Variants in MEI4 observed in about 807,000 individuals in gnomAD.
MEI4 encodes the protein meiosis-specific protein MEI4.
MEI4 carries 27 observed loss-of-function variants against 31.4 expected under a neutral mutation model. The ratio of observed to expected loss-of-function variants is 0.86; its 90% CI spans 0.63 to 1.19. The LOEUF (loss-of-function observed/expected upper bound fraction) is 1.19, where lower values mean the gene tolerates loss of function less well. MEI4 is among the 50% of genes most tolerant of loss of function. MEI4 has a pLI of 0.00. For synonymous variants in MEI4, 122 were observed against 145.4 expected (o/e 0.84, Z 1.16); for missense variants, 329 against 398.9 (o/e 0.82, Z 1.49).
chr6:77,699,472 G>T (rs569364405), intron 2 of MEI4, among the ~76,000 whole-genome samples: 3 of 152,108 alleles, frequency 2.0e-5, no homozygotes, highest in African/African-American at 7.2e-5. Flanking sequence ...GATTACAGGC[G>T]TGAGCCACCG....
At chr6:77,843,836 A>G (rs1770418026) in intron 4 of MEI4, among the ~76,000 whole-genome samples, 1 of 152,126 alleles carries the variant, frequency 6.6e-6, no homozygotes, top group Admixed American at 6.6e-5. Flanking sequence ...TGATCATGAC[A>G]TAATCATAGA....
At chr6:77,748,730 G>C (rs1023865950) in intron 2 of MEI4, among the ~76,000 whole-genome samples, 1 of 152,182 alleles carries the variant, frequency 6.6e-6, no homozygotes, top group Non-Finnish European at 1.5e-5. Context: ...ACATGGTCAG[G>C]CTGCAAATTT....
chr6:77,919,798 A>C (rs1307584259), intron 4 of MEI4, among the ~76,000 whole-genome samples: 1 of 149,144 alleles, frequency 6.7e-6, no homozygotes, highest in African/African-American at 2.4e-5. Flanking sequence ...TAGACGCAAT[A>C]AAAAATGATA....
At chr6:77,791,422 AT>A (rs1417378082) in intron 3 of MEI4, among the ~76,000 whole-genome samples, 103 of 150,830 alleles carry the variant, frequency 6.8e-4, no homozygotes, top group African/African-American at 2.4e-3. Flanking sequence ...TCAGTAAACT[AT>A]CGCAAGAACA....
intron 3 of MEI4, among the ~76,000 whole-genome samples, chr6:77,774,369 G>A (rs115509827): frequency 0.01 from 1,572 of 152,226 alleles, 28 homozygotes; most frequent in African/African-American, 0.035. Flanking sequence ...CAACGACATT[G>A]ATGGAACTGG....
At chr6:77,809,714 T>C (rs1769528027) in intron 3 of MEI4, among the ~76,000 whole-genome samples, 3 of 152,144 alleles carry the variant, frequency 2.0e-5, no homozygotes, top group Admixed American at 2.0e-4. Flanking sequence ...TTCTATCAAG[T>C]CAAACTAACC....
At chr6:77,657,862 C>T (rs1581994751) in intron 1 of MEI4, among the ~76,000 whole-genome samples, 3 of 152,376 alleles carry the variant, frequency 2.0e-5, no homozygotes, top group East Asian at 1.9e-4. Context: ...CATCTTCAAA[C>T]ATTCCAGGTA....
chr6:77,885,947 T>G (rs1771608923), intron 4 of MEI4, among the ~76,000 whole-genome samples: 1 of 152,314 alleles, frequency 6.6e-6, no homozygotes, highest in African/African-American at 2.4e-5. Context: ...TCTGTTGATA[T>G]AATGTATCTT....
chr6:77,665,259 C>T (rs898034781), intron 1 of MEI4, among the ~76,000 whole-genome samples: 34 of 150,662 alleles, frequency 2.3e-4, no homozygotes, highest in African/African-American at 4.7e-4. Flanking sequence ...GGTAGGGGTG[C>T]GGAAATAAGG....
chr6:77,887,889 T>C (rs1207322677), intron 4 of MEI4, among the ~76,000 whole-genome samples: 2 of 152,226 alleles, frequency 1.3e-5, no homozygotes, highest in Admixed American at 6.5e-5. Context: ...TGTTATTGCA[T>C]TGGAGTCTGT....
intron 4 of MEI4, among the ~76,000 whole-genome samples, chr6:77,894,189 AAAT>A (rs1411699159): frequency 6.6e-6 from 1 of 152,280 alleles, no homozygotes; most frequent in South Asian, 2.1e-4. Context: ...TTGAAATATT[AAAT>A]AATATCATAT....
In MEI4 at chr6:77,859,241, C is replaced by T. The variant is rs566595625; in HGVS notation, c.900+30179C>T. Among the ~76,000 whole-genome samples the T allele has an allele frequency of 5.1e-4, 77 of 152,186 alleles. 3 individuals are homozygous for T. In the South Asian group the frequency reaches 0.016, roughly 31 times the overall value. On this transcript the variant is annotated intron_variant, in intron 4 of 4. Coordinates refer to ENST00000684080, the MANE Select transcript of MEI4 (RefSeq NM_001322247.2). ...CATAGTATTCCATACTGTATATGTA[C>T]CACATTTTGTTTACCCAGTCTATCA...
chr6:77,698,359 G>A (rs1001018063), intron 2 of MEI4, among the ~76,000 whole-genome samples: 1 of 152,174 alleles, frequency 6.6e-6, no homozygotes, highest in East Asian at 1.9e-4. Context: ...TTTCTTCCTA[G>A]CCTGGATGGT....
intron 3 of MEI4, among the ~76,000 whole-genome samples, chr6:77,794,265 T>TA (rs1769017827): frequency 6.6e-6 from 1 of 152,180 alleles, no homozygotes; most frequent in South Asian, 2.1e-4. Context: ...TTGTTAACAT[T>TA]TAATAATCTA....
intron 4 of MEI4, among the ~76,000 whole-genome samples, chr6:77,868,453 C>A (rs1266201126): frequency 1.6e-5 from 2 of 126,018 alleles, no homozygotes; most frequent in Admixed American, 9.4e-5. Context: ...AACAGATCAA[C>A]AGTATCCATA....
chr6:77,774,940 C>A (rs1313173039), intron 3 of MEI4, among the ~76,000 whole-genome samples: 1 of 152,064 alleles, frequency 6.6e-6, no homozygotes, highest in Non-Finnish European at 1.5e-5. Flanking sequence ...GGCCACATAT[C>A]TTCCTGTAGC....
Position 77,840,603 on chromosome 6 carries a change from T to A in MEI4, c.900+11541T>A, listed in dbSNP as rs1019248473. On this transcript the variant is annotated intron_variant, in intron 4 of 4. Transcript: ENST00000684080. Reference sequence around the variant, plus strand: ...TCTTTCTCCTTTTATATTTAATTTTTAAAATTTTTAATGATCTTTTAAATT... The same window carrying A: ...TCTTTCTCCTTTTATATTTAATTTTAAAAATTTTTAATGATCTTTTAAATT... Among the ~76,000 whole-genome samples the A allele has an allele frequency of 3.3e-5, 5 of 152,172 alleles. No individual in the cohort carries two copies. In the South Asian group the frequency reaches 8.3e-4, roughly 25 times the overall value.
rs1455266328 is a variant in MEI4, at chr6:77,761,387, A to T, written c.490A>T (p.Thr164Ser). Residue 164 changes from threonine to serine, a missense_variant, in exon 3 of 5, where the codon ACA becomes TCA. Physicochemically the swap from Thr to Ser is moderately conservative, Grantham distance 58. Coordinates refer to ENST00000684080, the MANE Select transcript of MEI4 (RefSeq NM_001322247.2). The stretch of plus-strand genomic sequence containing the variant: ...ATATCTACTTGAATTAAAGAACTTG[A>T]CAGAATCAGGTAATCTTAAAAGAGA... The part of the protein sequence containing the change: ...LQYLLELKNL[T>S]ESGNLKRDLT... 4 of 1,232,142 alleles carry T rather than the reference A, an allele frequency of 3.2e-6. No homozygotes were observed. The highest frequency in any genetic ancestry group is 4.0e-6 in the Non-Finnish European group (4 of 987,976). The allele number at this position is 1,232,142 out of a possible 1,614,324, so 76.3% of individuals were successfully genotyped here. A position where few individuals can be genotyped will look rare whatever the true frequency, so the allele number is the denominator to read the frequency against.
At chr6:77,868,516 T>TATATATAC (rs1554170586) in intron 4 of MEI4, among the ~76,000 whole-genome samples, 2,382 of 133,758 alleles carry the variant, frequency 0.018, 163 homozygotes, top group African/African-American at 0.063. Context: ...TATATATATA[T>TATATATAC]ATATATATAT....
Sources: gnomAD v4.1 joint callset for allele counts (sites outside exome capture counted in the v4.1 genomes callset) on GRCh38, gnomAD v4.1.1 for gene constraint, MANE v1.5 for transcripts, NCBI Gene and HGNC (gene_info 2026-07-23, HGNC 2026-07-21) for gene names.